The following MKX variants were observed in gnomAD, a reference collection of about 807,000 sequenced individuals.
MKX encodes mohawk homeobox.
Under a neutral mutation model 36.0 loss-of-function variants are expected in MKX, and 13 were observed. The observed-to-expected ratio is 0.36, with a 90% CI of 0.24 to 0.57. MKX has a LOEUF of 0.57. Ranked by LOEUF, MKX falls within the 20% of genes least tolerant of loss-of-function variation. MKX has a pLI of 0.79. For synonymous variants in MKX, 176 were observed against 178.3 expected (o/e 0.99, Z 0.10); for missense variants, 458 against 456.4 (o/e 1.00, Z -0.03).
chr10:27,703,664 C>T (rs550616282), intron 5 of MKX, among the ~76,000 whole-genome samples: 10 of 152,158 alleles, frequency 6.6e-5, no homozygotes, highest in Non-Finnish European at 1.2e-4. Flanking sequence ...TTTGGGAGGC[C>T]GTAGCGGGCG....
Position 27,743,342 on chromosome 10 carries a change from C to T in MKX, c.74G>A (p.Arg25Gln), listed in dbSNP as rs1392915603. The T allele has an allele frequency of 6.3e-7, 1 of 1,583,654 alleles. No homozygotes were observed. The highest frequency in any genetic ancestry group is 1.8e-5 in the Admixed American group (1 of 55,516). The change falls in exon 2 of 7, where the codon CGG (arginine) becomes CAG (glutamine). Residue 25 changes from arginine to glutamine, a missense_variant. Transcript: ENST00000419761. ...GACACCGCTGTAGGGCCGGCCACCC[C>T]GCTCCCGCTCCGAGGCGCCTCCGTC... ...FEDGGASERE[R>Q]GGRPYSGVLD...
intron 5 of MKX, among the ~76,000 whole-genome samples, chr10:27,682,985 A>C (rs890458995): frequency 1.4e-5 from 2 of 145,496 alleles, no homozygotes; most frequent in Admixed American, 1.4e-4. Context: ...CTCGGTCTCG[A>C]AAAAAAAAAA....
intron 5 of MKX, among the ~76,000 whole-genome samples, chr10:27,681,100 T>C (rs1327494313): frequency 6.6e-6 from 1 of 152,244 alleles, no homozygotes; most frequent in African/African-American, 2.4e-5. Context: ...AGTGACATCG[T>C]AATGTGGTCA....
intron 1 of MKX, 31 bp from the exon 2 acceptor site, chr10:27,743,528 C>G (rs750383212): frequency 1.1e-5 from 13 of 1,193,398 alleles, no homozygotes; most frequent in Non-Finnish European, 1.5e-5. Context: ...TCGTTACTTA[C>G]TGGCTGAGAG....
chr10:27,696,430 A>G (rs1836556173), intron 5 of MKX, among the ~76,000 whole-genome samples: 1 of 152,196 alleles, frequency 6.6e-6, no homozygotes, highest in South Asian at 2.1e-4. Context: ...TTACCTTGAA[A>G]TGGATCAGAA....
At chr10:27,720,319 T>C (rs1410227029) in intron 5 of MKX, among the ~76,000 whole-genome samples, 1 of 149,414 alleles carries the variant, frequency 6.7e-6, no homozygotes, top group African/African-American at 2.5e-5. Context: ...AGGAGACCAT[T>C]AGGAAAAAAA....
Position 27,679,083 on chromosome 10 carries a change from G to GA in MKX, c.839-3530dup, listed in dbSNP as rs1255531153. On this transcript the variant is annotated intron_variant, in intron 5 of 6. Transcript: ENST00000419761. ...TAGATTGGGTTCCTCTCCAATAACA[G>GA]AAAAAAATCATCTTACATCACACAC... 3.3e-5 allele frequency among the ~76,000 whole-genome samples: 5 copies of GA among 151,354 alleles called. No individual in the cohort carries two copies. The South Asian group carries it at 8.4e-4, about 25-fold the overall frequency.
intron 5 of MKX, among the ~76,000 whole-genome samples, chr10:27,682,112 G>A (rs528852416): frequency 6.6e-6 from 1 of 152,184 alleles, no homozygotes; most frequent in East Asian, 1.9e-4. Context: ...TGCAGGCCTA[G>A]GTTAATGTGT....
intron 5 of MKX, among the ~76,000 whole-genome samples, chr10:27,677,418 A>T (rs112871751): frequency 3.0e-4 from 46 of 152,344 alleles, no homozygotes; most frequent in African/African-American, 1.1e-3. Flanking sequence ...CAGTCACAGA[A>T]CTAGAAGAGG....
chr10:27,705,406 G>A (rs978298876), intron 5 of MKX, among the ~76,000 whole-genome samples: 4 of 152,158 alleles, frequency 2.6e-5, no homozygotes, highest in Non-Finnish European at 5.9e-5. Flanking sequence ...CCAAGCTGGA[G>A]TGCAGTGGCA....
intron 5 of MKX, among the ~76,000 whole-genome samples, chr10:27,694,659 C>T (rs1262112533): frequency 6.9e-6 from 1 of 145,628 alleles, no homozygotes; most frequent in Non-Finnish European, 1.5e-5. Flanking sequence ...CGTGCCACTG[C>T]ACTCCAGCCT....
At chr10:27,683,380 G>C (rs1371321071) in intron 5 of MKX, among the ~76,000 whole-genome samples, 2 of 152,228 alleles carry the variant, frequency 1.3e-5, no homozygotes, top group African/African-American at 4.8e-5. Flanking sequence ...ATGCAGCCTC[G>C]GTATGCAGAA....
intron 5 of MKX, among the ~76,000 whole-genome samples, chr10:27,721,356 G>A (rs896715086): frequency 2.0e-5 from 3 of 152,018 alleles, no homozygotes; most frequent in Admixed American, 2.0e-4. Context: ...TTCACAATAG[G>A]AAACACATGG....
In MKX at chr10:27,742,910, G is replaced by C. The variant is rs1041525094; in HGVS notation, c.188+318C>G. On this transcript the variant is annotated intron_variant, in intron 2 of 6. Transcript: ENST00000419761. This position sits in a 1 kb window ranked among gnomAD's most constrained non-coding sequence, Gnocchi z 4.2. ...TTTTCCTCGCCCTCAGCCGCGCACC[G>C]GCACCCACAGTCCGGAGAGGGGCAA... Among the ~76,000 whole-genome samples the C allele has an allele frequency of 6.6e-6, 1 of 152,180 alleles. No homozygotes were observed. Among genetic ancestry groups the C allele is most frequent in the Non-Finnish European group, 1.5e-5 (1 of 68,016 alleles).
At chr10:27,680,180 G>A (rs115652302) in intron 5 of MKX, among the ~76,000 whole-genome samples, 184 of 152,154 alleles carry the variant, frequency 1.2e-3, no homozygotes, top group African/African-American at 4.0e-3. Context: ...CATTTGGCTC[G>A]GCTATATCTC....
intron 4 of MKX, 75 bp downstream of exon 4, chr10:27,735,146 C>A: frequency 3.6e-6 from 5 of 1,393,492 alleles, no homozygotes; most frequent in Non-Finnish European, 3.8e-6. Context: ...GTGAGAGCAA[C>A]CTTAAAAATA....
intron 5 of MKX, among the ~76,000 whole-genome samples, chr10:27,687,799 T>C (rs980257731): frequency 6.6e-6 from 1 of 152,218 alleles, no homozygotes; most frequent in African/African-American, 2.4e-5. Flanking sequence ...ACTTTGAAGA[T>C]TTGAATGCAG....
intron 5 of MKX, among the ~76,000 whole-genome samples, chr10:27,702,029 C>A (rs770065276): frequency 6.6e-6 from 1 of 151,974 alleles, no homozygotes; most frequent in Admixed American, 6.6e-5. Flanking sequence ...TACATTAAGA[C>A]CTCATTAGCT....
chr10:27,735,142 G>C (rs917982680), intron 4 of MKX, 79 bp downstream of exon 4: 1 of 1,368,260 alleles, frequency 7.3e-7, no homozygotes, highest in African/African-American at 1.5e-5. Flanking sequence ...TTTTGTGAGA[G>C]CAACCTTAAA....
Sources: gnomAD v4.1 joint callset for allele counts (sites outside exome capture counted in the v4.1 genomes callset) on GRCh38, gnomAD v4.1.1 for gene constraint, Gnocchi (gnomAD v3.1) non-coding constraint, MANE v1.5 for transcripts, NCBI Gene and HGNC (gene_info 2026-07-23, HGNC 2026-07-21) for gene names.